The following SELENOT variants were observed in gnomAD, a reference collection of about 807,000 sequenced individuals.
SELENOT encodes selenoprotein T.
In SELENOT, 9 loss-of-function variants were observed where a neutral mutation model predicts 24.3. The observed-to-expected ratio is 0.37, with a 90% CI of 0.22 to 0.65. The LOEUF (loss-of-function observed/expected upper bound fraction) is 0.65. SELENOT is among the 30% of genes least tolerant of loss of function. The pLI is 0.60. For missense variants in SELENOT, 166 were observed against 247.6 expected, an observed-to-expected ratio of 0.67 and a Z score of 2.21; for synonymous variants, 81 against 86.0, an observed-to-expected ratio of 0.94 and a Z score of 0.32.
At chr3:150,613,999 T>G (rs978742247) in intron 1 of SELENOT, among the ~76,000 whole-genome samples, 4 of 152,036 alleles carry the variant, frequency 2.6e-5, no homozygotes, top group Admixed American at 6.6e-5. Context: ...AGACAGTACA[T>G]TTTAGGTTTA....
At chr3:150,622,342 A>G (rs1303712479) in intron 1 of SELENOT, 43 bp from the exon 2 acceptor site, 5 of 927,580 alleles carry the variant, frequency 5.4e-6, no homozygotes, top group African/African-American at 5.2e-5. Flanking sequence ...ATAAATCTAG[A>G]TGTATGCTAA....
chr3:150,618,597 C>G (rs1344492495), intron 1 of SELENOT: 1 of 153,612 alleles, frequency 6.5e-6, no homozygotes, highest in Non-Finnish European at 1.5e-5. Flanking sequence ...TCTCGGCTCT[C>G]TGTAGCCTTG....
At chr3:150,622,768 A>G (rs1299249156) in intron 2 of SELENOT, among the ~76,000 whole-genome samples, 1 of 152,158 alleles carries the variant, frequency 6.6e-6, no homozygotes, top group Non-Finnish European at 1.5e-5. Flanking sequence ...ACAATCCTAA[A>G]TTTTTATAGA....
intron 1 of SELENOT, 46 bp from the exon 2 acceptor site, chr3:150,622,339 T>G (rs768311400): frequency 1.1e-6 from 1 of 917,674 alleles, no homozygotes; most frequent in South Asian, 3.0e-5. Flanking sequence ...AAAATAAATC[T>G]AGATGTATGC....
At chr3:150,616,259 C>T (rs1455749206) in intron 1 of SELENOT, among the ~76,000 whole-genome samples, 2 of 140,864 alleles carry the variant, frequency 1.4e-5, no homozygotes, top group Non-Finnish European at 3.1e-5. Flanking sequence ...AGAAGAAAAC[C>T]TAGGCATTAC....
chr3:150,619,244 CT>C (rs1192667378), intron 1 of SELENOT, among the ~76,000 whole-genome samples: 1 of 132,178 alleles, frequency 7.6e-6, no homozygotes, highest in Non-Finnish European at 1.6e-5. Context: ...AAAAAGATTT[CT>C]TTTTGGCTAG....
intron 1 of SELENOT, among the ~76,000 whole-genome samples, chr3:150,619,124 G>C (rs1380605326): frequency 6.6e-6 from 1 of 151,908 alleles, no homozygotes. Flanking sequence ...GGGAAGCTGA[G>C]GCAGGAGAAT....
At chr3:150,611,991 GC>G (rs1726105969) in intron 1 of SELENOT, 1 of 554,324 alleles carries the variant, frequency 1.8e-6, no homozygotes, top group African/African-American at 2.0e-5. Flanking sequence ...CACCAACTGG[GC>G]CTGCTGCTGC....
rs562586811 is a variant in SELENOT at position 150,615,951 on chromosome 3, A to G, written c.138-6434A>G. Among the ~76,000 whole-genome samples, 1,473 of 151,964 alleles carry G rather than the reference A, an allele frequency of 9.7e-3. 21 individuals carry two copies. Among genetic ancestry groups the G allele is most frequent in the Non-Finnish European group, 0.015 (1,014 of 67,822 alleles). On this transcript the variant is annotated intron_variant, in intron 1 of 5. Coordinates refer to ENST00000471696, the MANE Select transcript of SELENOT (RefSeq NM_016275.5). ...ATCACACTGCCTGACTTCAAACTATACTACAAGGCTACAGTAACCAAAACA... is the reference window on the plus strand; with the variant it reads ...ATCACACTGCCTGACTTCAAACTATGCTACAAGGCTACAGTAACCAAAACA...
chr3:150,609,504 A>G (rs1726037423), intron 1 of SELENOT, among the ~76,000 whole-genome samples: 2 of 151,932 alleles, frequency 1.3e-5, no homozygotes, highest in Admixed American at 1.3e-4. Context: ...CGCGCACTAC[A>G]TGCCTGGCCA....
chr3:150,611,891 G>T, intron 1 of SELENOT: 2 of 1,013,260 alleles, frequency 2.0e-6, no homozygotes, highest in East Asian at 2.6e-5. Flanking sequence ...TCCGAGCTCC[G>T]GGGTACCGGC....
intron 1 of SELENOT, among the ~76,000 whole-genome samples, chr3:150,604,418 T>C (rs907274769): frequency 6.6e-6 from 1 of 152,206 alleles, no homozygotes; most frequent in African/African-American, 2.4e-5. Flanking sequence ...ATGAGAATCT[T>C]ACACCTCCAA....
At chr3:150,620,056 C>T (rs1229236458) in intron 1 of SELENOT, among the ~76,000 whole-genome samples, 2 of 152,164 alleles carry the variant, frequency 1.3e-5, no homozygotes, top group Admixed American at 6.5e-5. Flanking sequence ...TGGAGTTTCA[C>T]ACAAAGGTCT....
intron 1 of SELENOT, among the ~76,000 whole-genome samples, chr3:150,620,305 T>C (rs975785312): frequency 1.3e-5 from 2 of 152,184 alleles, no homozygotes; most frequent in African/African-American, 4.8e-5. Flanking sequence ...AGGCCAATTG[T>C]ATAGGTACCC....
intron 3 of SELENOT, 138 bp downstream of exon 3, chr3:150,623,307 C>T (rs990314508): frequency 1.3e-6 from 1 of 780,242 alleles, no homozygotes; most frequent in African/African-American, 1.8e-5. Context: ...AGTTTTATCT[C>T]TGGGGAAGTC....
chr3:150,622,551 T>G, intron 2 of SELENOT, 56 bp downstream of exon 2: 2 of 836,804 alleles, frequency 2.4e-6, no homozygotes, highest in Non-Finnish European at 3.5e-6. Flanking sequence ...TATAAGTGTT[T>G]GTGAATTGGT....
intron 2 of SELENOT, 68 bp downstream of exon 2, chr3:150,622,563 T>G (rs1015195056): frequency 1.5e-6 from 1 of 654,832 alleles, no homozygotes; most frequent in Admixed American, 3.6e-5. Context: ...TGAATTGGTT[T>G]AATTAGCTGT....
intron 3 of SELENOT, 103 bp downstream of exon 3, chr3:150,623,272 A>C: frequency 9.3e-7 from 1 of 1,080,398 alleles, no homozygotes; most frequent in Non-Finnish European, 1.2e-6. Flanking sequence ...TTCACCTGTT[A>C]ACATGTATTA....
In SELENOT at chr3:150,614,408, T is replaced by TG. The variant is rs368029388; in HGVS notation, c.138-7974dup. 4.2e-3 allele frequency among the ~76,000 whole-genome samples: 618 copies of TG among 147,916 alleles called. 2 individuals are homozygous for TG. The highest frequency in any genetic ancestry group is 4.2e-3 in the Non-Finnish European group (282 of 66,730). ...GGTCAGATGTGACTAGAAATGGAGG[T>TG]GGGTTTTTTTTTTTTTTAATGGAGG... On this transcript the variant is annotated intron_variant, in intron 1 of 5. Transcript: ENST00000471696.
Sources: gnomAD v4.1 joint callset for allele counts (sites outside exome capture counted in the v4.1 genomes callset) on GRCh38, gnomAD v4.1.1 for gene constraint, MANE v1.5 for transcripts, NCBI Gene and HGNC (gene_info 2026-07-23, HGNC 2026-07-21) for gene names.